The following GON4L variants were observed in gnomAD, a reference collection of about 807,000 sequenced individuals.
GON4L encodes the protein gon-4 like, also known as GON-4-like protein.
A neutral mutation model predicts 211.8 loss-of-function variants in GON4L; 87 were observed. The observed-to-expected ratio is 0.41, with a 90% CI of 0.35 to 0.49. The LOEUF is 0.49. Among genes scored for constraint, GON4L ranks in the 20% least tolerant of loss-of-function variants. GON4L has a pLI of 0.15. For missense variants in GON4L, 2,155 were observed against 2,659.5 expected, an observed-to-expected ratio of 0.81 and a Z score of 4.17; for synonymous variants, 875 against 962.6, an observed-to-expected ratio of 0.91 and a Z score of 1.68.
intron 11 of GON4L, among the ~76,000 whole-genome samples, chr1:155,802,691 C>A (rs1355465524): frequency 6.6e-6 from 1 of 152,214 alleles, no homozygotes; most frequent in Non-Finnish European, 1.5e-5. Flanking sequence ...CGCGATGGCT[C>A]ACTCCTGTAA....
chr1:155,789,216 G>C lies in GON4L; in HGVS notation c.1748-3842C>G, dbSNP rs184772434. On this transcript the variant is annotated intron_variant, in intron 12 of 31. Coordinates refer to ENST00000368331, the MANE Select transcript of GON4L (RefSeq NM_001282860.2). The stretch of plus-strand genomic sequence containing the variant: ...TCCTGACAGGGATTTGTGTCACATA[G>C]GTACACACATGTCAAAATTCATTAA... 5.3e-5 allele frequency among the ~76,000 whole-genome samples: 8 copies of C among 152,208 alleles called. No homozygotes were observed. In the East Asian group the frequency reaches 1.5e-3, roughly 29 times the overall value.
At chr1:155,809,518 T>C (rs1043559575) in intron 10 of GON4L, among the ~76,000 whole-genome samples, 2 of 146,220 alleles carry the variant, frequency 1.4e-5, no homozygotes, top group African/African-American at 4.9e-5. Context: ...TATTTTTAAT[T>C]ATATACTTAT....
chr1:155,848,878 T>C (rs1000919124), intron 2 of GON4L, among the ~76,000 whole-genome samples: 18 of 152,338 alleles, frequency 1.2e-4, no homozygotes, highest in Admixed American at 2.6e-4. Context: ...TCGGGCGCGG[T>C]GGCTCACGCC....
intron 28 of GON4L, chr1:155,753,888 TA>T (rs933178241): frequency 3.3e-5 from 7 of 214,090 alleles, no homozygotes; most frequent in Admixed American, 2.7e-4. Flanking sequence ...TTTTTTTTTT[TA>T]AACACGGTCT....
intron 7 of GON4L, 65 bp from the exon 8 acceptor site, chr1:155,815,965 T>A (rs1668200268): frequency 8.9e-6 from 9 of 1,008,494 alleles, no homozygotes; most frequent in Non-Finnish European, 1.6e-6. Flanking sequence ...ATTTGGAAAA[T>A]AAGGGGAAGA....
intron 11 of GON4L, among the ~76,000 whole-genome samples, chr1:155,801,038 C>G (rs1666606488): frequency 1.4e-5 from 2 of 145,748 alleles, no homozygotes; most frequent in African/African-American, 5.1e-5. Flanking sequence ...TGTCCTTGGG[C>G]AACCCACTCG....
Position 155,826,883 on chromosome 1 carries a change from G to A in GON4L, c.651C>T (p.His217=), listed in dbSNP as rs1433504198. The A allele has an allele frequency of 6.2e-7, 1 of 1,613,358 alleles. No individual in the cohort carries two copies. The highest frequency in any genetic ancestry group is 1.3e-5 in the African/African-American group (1 of 74,916). The change falls in exon 3 of 32, where the codon CAC becomes CAT. Residue 217 remains histidine (H), a synonymous_variant. Coordinates refer to ENST00000368331, the MANE Select transcript of GON4L (RefSeq NM_001282860.2). ...CATCTTCTATCTCTTCCTCAGGTTG[G>A]TGAAACAGAGTCCTGAGTGGCTTTT... is the stretch of plus-strand genomic sequence containing the variant. The part of the protein sequence containing the change: ...PQEKPLRTLF[H]QPEEEIEDGG...
At chr1:155,745,807 C>G, downstream of GON4L, 3 of 606,172 alleles carry the variant, frequency 4.9e-6, no homozygotes, top group Non-Finnish European at 8.9e-6. Flanking sequence ...TGAGGCGCGG[C>G]GGCCCCGTGG....
At chr1:155,773,603 A>G (rs1455378817) in intron 17 of GON4L, among the ~76,000 whole-genome samples, 1 of 152,154 alleles carries the variant, frequency 6.6e-6, no homozygotes, top group African/African-American at 2.4e-5. Context: ...TAAGATTCCA[A>G]CTTCTTTAAT....
In GON4L at chr1:155,783,968, G is replaced by A; in HGVS notation, c.1892+18C>T. The A allele has an allele frequency of 6.2e-7, 1 of 1,612,762 alleles. No individual in the cohort carries two copies. Among genetic ancestry groups the A allele is most frequent in the Non-Finnish European group, 8.5e-7 (1 of 1,178,764 alleles). ...ACTTTTCCTCTATTCCAAATCTCAA[G>A]GTCTTCAACTAGCCTACCGTAGAGC... On this transcript the variant is annotated intron_variant, in intron 14 of 31. Transcript: ENST00000368331.
chr1:155,765,600 G>A lies in GON4L; in HGVS notation c.3873C>T (p.Thr1291=), dbSNP rs753132894. The change falls in exon 21 of 32, where the codon ACC becomes ACT. Residue 1291 remains threonine, a synonymous_variant. Transcript: ENST00000368331. ...GCCTCCCCTCCTCTGTTTTCACAACGGTCCAGCGACAGGCACTATTCTCTG... is the reference window on the plus strand; with the variant it reads ...GCCTCCCCTCCTCTGTTTTCACAACAGTCCAGCGACAGGCACTATTCTCTG... ...GLSENSACRW[T]VVKTEEGRQA... The A allele has an allele frequency of 4.3e-6, 7 of 1,614,094 alleles. No homozygotes were observed. Among genetic ancestry groups the A allele is most frequent in the East Asian group, 2.2e-5 (1 of 44,882 alleles).
At chr1:155,855,979 C>CAAA (rs755007254) in intron 1 of GON4L, among the ~76,000 whole-genome samples, 3 of 23,700 alleles carry the variant, frequency 1.3e-4, no homozygotes, top group East Asian at 2.2e-3. Flanking sequence ...GAGACTCTGT[C>CAAA]AAAAAAAAAA....
intron 2 of GON4L, among the ~76,000 whole-genome samples, chr1:155,832,481 A>G (rs1326539701): frequency 6.6e-6 from 1 of 151,620 alleles, no homozygotes. Context: ...TCTACTGAAA[A>G]TACAAAAATT....
chr1:155,746,845 T>C, downstream of GON4L: 2 of 1,593,422 alleles, frequency 1.3e-6, no homozygotes, highest in East Asian at 2.2e-5. Context: ...CAAGAACCCT[T>C]ATCTCCAAGA....
intron 12 of GON4L, among the ~76,000 whole-genome samples, chr1:155,791,262 C>G (rs141008142): frequency 2.6e-5 from 4 of 151,334 alleles, no homozygotes; most frequent in African/African-American, 9.7e-5. Flanking sequence ...GACTTCGTCT[C>G]AAAAAAAAGT....
chr1:155,776,795 C>T (rs708612), intron 15 of GON4L, among the ~76,000 whole-genome samples: 132,375 of 152,124 alleles, frequency 0.87, 58,883 homozygotes, highest in East Asian at 1. Context: ...TCAAGCAATC[C>T]TCCCACCTCA....
At chr1:155,808,852 T>C (rs759384032) in intron 10 of GON4L, among the ~76,000 whole-genome samples, 30 of 152,082 alleles carry the variant, frequency 2.0e-4, no homozygotes, top group Non-Finnish European at 3.7e-4. Flanking sequence ...GCTCAAGTGA[T>C]CCACTCTCCT....
intron 19 of GON4L, among the ~76,000 whole-genome samples, chr1:155,769,791 T>C (rs911811874): frequency 2.0e-5 from 3 of 151,850 alleles, no homozygotes; most frequent in Admixed American, 2.0e-4. Context: ...ACCAAAATTG[T>C]GACATAATTA....
chr1:155,760,639 C>T lies in GON4L; in HGVS notation c.4914G>A (p.Val1638=), dbSNP rs1257121462. The change falls in exon 24 of 32, where the codon GTG becomes GTA. Residue 1638 remains valine, a splice_region_variant and synonymous_variant. Transcript: ENST00000368331. ...LAFAQAYLTR[V]REALQHIPGK... is the part of the protein sequence containing the mutation. ...CAGGGATATGTTGTAGGGCTTCTCG[C>T]ACCTACACGGGAAGACTTTCAATCA... 6.2e-7 allele frequency: 1 copy of T among 1,603,904 alleles called. No individual in the cohort carries two copies. The highest frequency in any genetic ancestry group is 8.5e-7 in the Non-Finnish European group (1 of 1,170,810).
Sources: gnomAD v4.1 joint callset for allele counts (sites outside exome capture counted in the v4.1 genomes callset) on GRCh38, gnomAD v4.1.1 for gene constraint, MANE v1.5 for transcripts, NCBI Gene and HGNC (gene_info 2026-07-23, HGNC 2026-07-21) for gene names.